ARGLU1: variants seen among roughly 807,000 people sequenced by gnomAD.
ARGLU1 encodes arginine and glutamate rich 1.
ARGLU1 carries 9 observed loss-of-function variants against 37.6 expected under a neutral mutation model. The observed-to-expected ratio is 0.24, with a 90% CI of 0.14 to 0.42. The LOEUF is 0.42. Among genes scored for constraint, ARGLU1 ranks in the 10% least tolerant of loss-of-function variants. ARGLU1 has a pLI of 1.00. For synonymous variants in ARGLU1, 166 were observed against 138.5 expected, an observed-to-expected ratio of 1.20 and a Z score of -1.39; for missense variants, 211 against 359.2, an observed-to-expected ratio of 0.59 and a Z score of 3.34.
At chr13:106,562,995 A>C (rs1267621238) in intron 1 of ARGLU1, among the ~76,000 whole-genome samples, 2 of 129,168 alleles carry the variant, frequency 1.5e-5, no homozygotes, top group African/African-American at 5.9e-5. Context: ...TGTCTCAAAA[A>C]AAAAAAAAAA....
chr13:106,564,934 C>T (rs1473217790), intron 1 of ARGLU1, among the ~76,000 whole-genome samples: 2 of 152,186 alleles, frequency 1.3e-5, no homozygotes, highest in East Asian at 3.8e-4. Context: ...AACAGCCACA[C>T]TATAAACATG....
At chr13:106,559,140 A>C (rs556947833) in intron 2 of ARGLU1, 330 of 1,331,996 alleles carry the variant, frequency 2.5e-4, no homozygotes, top group Middle Eastern at 5.9e-4. Context: ...CTCCCAAAAA[A>C]GAATGTAAGT....
At position 106,557,569 on chromosome 13, in the gene ARGLU1, A is replaced by G; in HGVS notation, c.574-438T>C. The G allele has an allele frequency of 6.2e-7, 1 of 1,607,646 alleles. No homozygotes were observed. The highest frequency in any genetic ancestry group is 8.5e-7 in the Non-Finnish European group (1 of 1,177,394). ...AAGTTGAATATTTACTGTCTTGTCC[A>G]GTGTCCTGCAGAGTGTGCTCCTCGG... On this transcript the variant is annotated intron_variant, in intron 2 of 3. Coordinates refer to ENST00000400198, the MANE Select transcript of ARGLU1 (RefSeq NM_018011.4). The surrounding 1 kb of genome is among the most constrained non-coding windows in gnomAD (Gnocchi z 5.0).
intron 1 of ARGLU1, among the ~76,000 whole-genome samples, chr13:106,561,257 A>T (rs1197630958): frequency 6.6e-6 from 1 of 152,194 alleles, no homozygotes. Context: ...CTTCAATAGA[A>T]ATTAAATCAC....
chr13:106,557,199 A>C lies in ARGLU1; in HGVS notation c.574-68T>G. The C allele has an allele frequency of 7.3e-7, 1 of 1,361,420 alleles. No homozygotes were observed. The highest frequency in any genetic ancestry group is 1.0e-6 in the Non-Finnish European group (1 of 966,428). 84.3% of individuals were successfully genotyped at this position (1,361,420 alleles called of 1,614,324 possible). On this transcript the variant is annotated intron_variant, in intron 2 of 3. Transcript: ENST00000400198. This position sits in a 1 kb window ranked among gnomAD's most constrained non-coding sequence, Gnocchi z 5.0. ...TTATTTTTATTGATAAATATTTACT[A>C]ATCTTCCTCTGAACTTTTTTGATAT...
intron 3 of ARGLU1, among the ~76,000 whole-genome samples, chr13:106,554,961 T>C (rs1251831528): frequency 6.6e-6 from 1 of 152,044 alleles, no homozygotes; most frequent in Admixed American, 6.5e-5. Context: ...TAAGCAAACA[T>C]GTTAAATATG....
intron 2 of ARGLU1, chr13:106,558,450 A>C: frequency 1.0e-6 from 1 of 985,424 alleles, no homozygotes; most frequent in Non-Finnish European, 1.2e-6. Context: ...ATTTTGAGTC[A>C]AATATTTCAG....
chr13:106,560,586 T>C (rs1048797676), intron 1 of ARGLU1, among the ~76,000 whole-genome samples: 3 of 152,306 alleles, frequency 2.0e-5, no homozygotes, highest in Middle Eastern at 3.4e-3. Context: ...ATATTTTGGA[T>C]AAAAATATAC....
At position 106,567,482 on chromosome 13, in the gene ARGLU1, TCCCGGCCCGCACCGTCCCGC is replaced by T. The variant is rs1722903247; in HGVS notation, c.347+71_347+90del. 5 of 922,038 alleles carry T rather than the reference TCCCGGCCCGCACCGTCCCGC, an allele frequency of 5.4e-6. No individual in the cohort carries two copies. The South Asian group carries it at 7.9e-5, about 15-fold the overall frequency. The allele number at this position is 922,038 out of a possible 1,614,324, so 57.1% of individuals were successfully genotyped here. A position where few individuals can be genotyped will look rare whatever the true frequency, so the allele number is the denominator to read the frequency against. ...CAGCCCCGGACCGTCCCCGCCATTC[TCCCGGCCCGCACCGTCCCGC>T]CCCGGCCCCACGCCCTCGCCCCGCG... On this transcript the variant is annotated intron_variant, in intron 1 of 3. Coordinates refer to ENST00000400198, the MANE Select transcript of ARGLU1 (RefSeq NM_018011.4). The surrounding 1 kb of genome is among the most constrained non-coding windows in gnomAD (Gnocchi z 4.3).
intron 3 of ARGLU1, among the ~76,000 whole-genome samples, chr13:106,554,624 C>T (rs533312820): frequency 1.3e-5 from 2 of 152,180 alleles, no homozygotes; most frequent in Admixed American, 6.5e-5. Flanking sequence ...CGGTAGCTCA[C>T]GCCTGTAATC....
intron 3 of ARGLU1, among the ~76,000 whole-genome samples, 182 bp downstream of exon 3, chr13:106,556,866 T>C (rs1022849309): frequency 1.3e-5 from 2 of 152,212 alleles, no homozygotes; most frequent in Admixed American, 6.5e-5. Flanking sequence ...TTTGGAGTTC[T>C]GTCCAGATTG....
At chr13:106,547,758 T>C (rs9583093) in intron 3 of ARGLU1, among the ~76,000 whole-genome samples, 40,641 of 151,480 alleles carry the variant, frequency 0.27, 5,618 homozygotes, top group South Asian at 0.35. Flanking sequence ...GGAGACGGGG[T>C]TGGGAATTGG....
rs201667995 is a variant in ARGLU1, at chr13:106,560,233, A to G, written c.348-576T>C. On this transcript the variant is annotated intron_variant, in intron 1 of 3. Transcript: ENST00000400198. The stretch of plus-strand genomic sequence containing the variant: ...TTCTTTAGCTTTATAGTTCCTTACT[A>G]TGTCTTTTCTTCCTTTTGTTAATTT... 8.5e-5 allele frequency among the ~76,000 whole-genome samples: 13 copies of G among 152,314 alleles called. No individual in the cohort carries two copies. The East Asian group carries it at 1.9e-3, about 23-fold the overall frequency.
At chr13:106,562,788 G>A (rs1316674221) in intron 1 of ARGLU1, among the ~76,000 whole-genome samples, 3 of 150,260 alleles carry the variant, frequency 2.0e-5, no homozygotes, top group Admixed American at 6.6e-5. Flanking sequence ...TCAGGAGATC[G>A]AGACCATCCT....
chr13:106,545,647 G>T (rs1021792194), intron 3 of ARGLU1, among the ~76,000 whole-genome samples: 1 of 152,078 alleles, frequency 6.6e-6, no homozygotes, highest in African/African-American at 2.4e-5. Flanking sequence ...ACAGGACTCC[G>T]GTATGCAATA....
intron 3 of ARGLU1, among the ~76,000 whole-genome samples, chr13:106,545,811 A>AG (rs1455118275): frequency 1.3e-5 from 2 of 152,210 alleles, no homozygotes; most frequent in Non-Finnish European, 2.9e-5. Context: ...ACAAGCAGTG[A>AG]GAGAATCTGG....
Position 106,557,691 on chromosome 13 carries a change from C to T in ARGLU1, c.574-560G>A. Reference sequence around the variant, plus strand: ...CAACCATTTATAAAGAAACAACATACAAGGAAGGCTGAGCTGAGGAATGCA... The same window carrying T: ...CAACCATTTATAAAGAAACAACATATAAGGAAGGCTGAGCTGAGGAATGCA... On this transcript the variant is annotated intron_variant, in intron 2 of 3. Transcript: ENST00000400198. This position sits in a 1 kb window ranked among gnomAD's most constrained non-coding sequence, Gnocchi z 5.0. The T allele has an allele frequency of 3.3e-6, 5 of 1,534,510 alleles. No individual in the cohort carries two copies. The highest frequency in any genetic ancestry group is 4.4e-6 in the Non-Finnish European group (5 of 1,136,918).
chr13:106,559,264 C>G (rs1880733903), intron 2 of ARGLU1, 168 bp downstream of exon 2: 1 of 1,533,914 alleles, frequency 6.5e-7, no homozygotes, highest in African/African-American at 1.4e-5. Context: ...TATCAGTCAG[C>G]ACTTCTGAAT....
At chr13:106,555,753 C>A (rs1031577844) in intron 3 of ARGLU1, among the ~76,000 whole-genome samples, 32 of 152,168 alleles carry the variant, frequency 2.1e-4, no homozygotes, top group Non-Finnish European at 1.9e-4. Flanking sequence ...GGAGGCCAAG[C>A]CGTCCCTAGC....
Sources: gnomAD v4.1 joint callset for allele counts (sites outside exome capture counted in the v4.1 genomes callset) on GRCh38, gnomAD v4.1.1 for gene constraint, Gnocchi (gnomAD v3.1) non-coding constraint, MANE v1.5 for transcripts, NCBI Gene and HGNC (gene_info 2026-07-23, HGNC 2026-07-21) for gene names.